Variants in PCDH7 observed in about 807,000 individuals in gnomAD.
PCDH7 encodes protocadherin 7.
In PCDH7, 17 loss-of-function variants were observed where a neutral mutation model predicts 58.9. The ratio of observed to expected loss-of-function variants is 0.29; its 90% CI spans 0.20 to 0.43. The LOEUF (loss-of-function observed/expected upper bound fraction) is 0.43. Among genes scored for constraint, PCDH7 ranks in the 20% least tolerant of loss-of-function variants. PCDH7 has a pLI of 1.00. For synonymous variants in PCDH7, 664 were observed against 616.4 expected (o/e 1.08, Z -1.14); for missense variants, 1,274 against 1,441.0 (o/e 0.88, Z 1.88).
Position 30,808,787 on chromosome 4 carries a change from T to G in PCDH7, c.70+84191T>G, listed in dbSNP as rs753687019. 2.8e-4 allele frequency among the ~76,000 whole-genome samples: 42 copies of G among 152,164 alleles called. 1 individual carries two copies. Among genetic ancestry groups the G allele is most frequent in the Non-Finnish European group, 5.9e-4 (40 of 68,032 alleles). On this transcript the variant is annotated intron_variant, in intron 1 of 3. Transcript: ENST00000509759. ...TTTTACATACAGATAATTAGAAAAT[T>G]GTCAAGACATATGTTGCTTTTACAA...
chr4:30,961,304 G>C (rs1034876769), intron 3 of PCDH7, among the ~76,000 whole-genome samples: 1 of 151,794 alleles, frequency 6.6e-6, no homozygotes. Flanking sequence ...CAGCACTTTG[G>C]GAGGCCGAGG....
chr4:30,794,381 A>C (rs1724520887), intron 1 of PCDH7, among the ~76,000 whole-genome samples: 1 of 152,224 alleles, frequency 6.6e-6, no homozygotes, highest in Non-Finnish European at 1.5e-5. Context: ...CTGTATAATT[A>C]AACTATTAGT....
At chr4:30,781,066 T>C (rs1722713059) in intron 1 of PCDH7, among the ~76,000 whole-genome samples, 1 of 152,100 alleles carries the variant, frequency 6.6e-6, no homozygotes, top group African/African-American at 2.4e-5. Context: ...CAGGACTGTG[T>C]TTTATGGTGC....
intron 1 of PCDH7, among the ~76,000 whole-genome samples, chr4:30,823,593 G>A (rs1341523617): frequency 6.7e-6 from 1 of 149,856 alleles, no homozygotes; most frequent in African/African-American, 2.4e-5. Context: ...TCGGCGTACA[G>A]GGGTCTTTGA....
At chr4:30,813,398 A>G (rs1727253690) in intron 1 of PCDH7, among the ~76,000 whole-genome samples, 1 of 152,104 alleles carries the variant, frequency 6.6e-6, no homozygotes, top group East Asian at 1.9e-4. Context: ...AATAAATGTT[A>G]TTTATTCACT....
Position 31,111,131 on chromosome 4 carries a change from A to C in PCDH7, c.*8-31342A>C, listed in dbSNP as rs576470214. ...TTTGTGAATTCATAATGTACAATAT[A>C]TGGTTCATATTTATTCTAGGTAATT... On this transcript the variant is annotated intron_variant, in intron 3 of 3. Coordinates refer to the PCDH7 transcript ENST00000509759. Among the ~76,000 whole-genome samples, 5 of 152,256 alleles carry C rather than the reference A, an allele frequency of 3.3e-5. No individual in the cohort carries two copies. The South Asian group carries it at 1.0e-3, about 32-fold the overall frequency.
At chr4:30,767,796 G>A (rs1240573688) in intron 1 of PCDH7, among the ~76,000 whole-genome samples, 1 of 152,128 alleles carries the variant, frequency 6.6e-6, no homozygotes, top group Admixed American at 6.5e-5. Flanking sequence ...TTAGAAATTT[G>A]AGAGAATTAA....
chr4:30,759,678 T>A (rs1443513857), intron 1 of PCDH7, among the ~76,000 whole-genome samples: 1 of 152,164 alleles, frequency 6.6e-6, no homozygotes, highest in African/African-American at 2.4e-5. Context: ...TTGAAATGTA[T>A]AAAATACAGC....
At chr4:31,122,221 C>T (rs1251350973) in intron 3 of PCDH7, among the ~76,000 whole-genome samples, 1 of 152,092 alleles carries the variant, frequency 6.6e-6, no homozygotes, top group East Asian at 1.9e-4. Context: ...CACACCAAAT[C>T]CCCACGTGCT....
chr4:30,823,547 C>A (rs1167885660), intron 1 of PCDH7, among the ~76,000 whole-genome samples: 1 of 152,120 alleles, frequency 6.6e-6, no homozygotes, highest in East Asian at 1.9e-4. Context: ...GCTGAGATTA[C>A]AATAAAGTCC....
chr4:30,823,053 G>A (rs1044606809), intron 1 of PCDH7, among the ~76,000 whole-genome samples: 1 of 152,126 alleles, frequency 6.6e-6, no homozygotes, highest in Non-Finnish European at 1.5e-5. Flanking sequence ...AGCTTTGCAC[G>A]GATATTCATC....
downstream of PCDH7, chr4:31,146,405 G>A (rs1163736563): frequency 2.6e-5 from 4 of 151,960 alleles, no homozygotes; most frequent in Admixed American, 6.6e-5. Context: ...GCATGATCAT[G>A]AATATAGTAA....
At chr4:30,898,344 C>T (rs976304584) in intron 1 of PCDH7, among the ~76,000 whole-genome samples, 3 of 152,022 alleles carry the variant, frequency 2.0e-5, no homozygotes, top group South Asian at 2.1e-4. Context: ...TGTTAAATTG[C>T]GGCAGGCATC....
chr4:30,834,351 C>T (rs1250270787), intron 1 of PCDH7, among the ~76,000 whole-genome samples: 2 of 152,154 alleles, frequency 1.3e-5, no homozygotes, highest in East Asian at 1.9e-4. Flanking sequence ...TCCTGCTCAT[C>T]ACGATAAAGC....
At chr4:31,135,154 C>T (rs1719445244) in intron 3 of PCDH7, among the ~76,000 whole-genome samples, 1 of 152,082 alleles carries the variant, frequency 6.6e-6, no homozygotes, top group Non-Finnish European at 1.5e-5. Flanking sequence ...TCCTGATTTT[C>T]AATTTCTCAT....
downstream of PCDH7, among the ~76,000 whole-genome samples, chr4:30,733,301 G>T (rs1715775692): frequency 6.6e-6 from 1 of 152,148 alleles, no homozygotes; most frequent in Non-Finnish European, 1.5e-5. Context: ...GTCTATTTTA[G>T]AGTAGTTCAT....
intron 3 of PCDH7, among the ~76,000 whole-genome samples, chr4:31,140,034 T>A (rs1720055814): frequency 6.6e-6 from 1 of 152,184 alleles, no homozygotes; most frequent in Non-Finnish European, 1.5e-5. Flanking sequence ...TACTCCAGAC[T>A]GTGAAGTAAA....
At chr4:30,811,327 T>C (rs1726974599) in intron 1 of PCDH7, among the ~76,000 whole-genome samples, 1 of 152,160 alleles carries the variant, frequency 6.6e-6, no homozygotes, top group Non-Finnish European at 1.5e-5. Context: ...TAAAAGTAAA[T>C]AAGGCCTTGA....
At chr4:30,919,709 A>G (rs1364725332) in intron 1 of PCDH7, among the ~76,000 whole-genome samples, 2 of 152,156 alleles carry the variant, frequency 1.3e-5, no homozygotes, top group Non-Finnish European at 2.9e-5. Context: ...ATTTGATTTT[A>G]TAGCTTTGTA....
Sources: allele counts gnomAD v4.1 joint callset (sites outside exome capture counted in the v4.1 genomes callset), GRCh38; gene constraint gnomAD v4.1.1; transcripts MANE v1.5; gene names NCBI Gene and HGNC (gene_info 2026-07-23, HGNC 2026-07-21).